ECM1: variants seen among roughly 807,000 people sequenced by gnomAD.
ECM1 encodes the protein secretory component p85.
A neutral mutation model predicts 57.9 loss-of-function variants in ECM1; 54 were observed. That is an observed-to-expected ratio of 0.93 (90% CI 0.75 to 1.17). The LOEUF is 1.17. ECM1 is among the 50% of genes most tolerant of loss of function. The pLI is 0.00. For synonymous variants in ECM1, 237 were observed against 259.1 expected (o/e 0.91, Z 0.82); for missense variants, 649 against 688.1 (o/e 0.94, Z 0.64).
At chr1:150,510,249 G>A in intron 5 of ECM1, 67 bp downstream of exon 5, 1 of 1,472,632 alleles carries the variant, frequency 6.8e-7, no homozygotes, top group Non-Finnish European at 9.5e-7. Flanking sequence ...ATGGGCTTCG[G>A]GGCAGACAAG....
chr1:150,512,247 G>A lies in ECM1; in HGVS notation c.1084-105G>A, dbSNP rs1670463017. The A allele has an allele frequency of 3.8e-6, 5 of 1,316,722 alleles. No individual in the cohort carries two copies. The African/African-American group carries it at 4.5e-5, about 12-fold the overall frequency. The allele number at this position is 1,316,722 out of a possible 1,614,324, so 81.6% of individuals were successfully genotyped here. ...TTGCCATTCCCTTTGGGCCTCTCGG[G>A]CTGGGAGCCCCTCATCTAGTTGCCA... On this transcript the variant is annotated intron_variant, in intron 7 of 9. Coordinates refer to ENST00000369047, the MANE Select transcript of ECM1 (RefSeq NM_004425.4).
rs1670470241 is a variant in ECM1 at position 150,512,469 on chromosome 1, C to T, written c.1201C>T (p.Pro401Ser). Reference protein sequence around the residue: ...TRDECFARRAPYPNYDRDILT... With the variant: ...TRDECFARRASYPNYDRDILT... The stretch of plus-strand genomic sequence containing the variant: ...GGATGAGTGCTTTGCCCGTCGGGCT[C>T]CTTACCCCAACTATGACCGGGACAT... Residue 401 changes from proline (P) to serine (S), a missense_variant, in exon 8 of 10, where the codon CCT (proline) becomes TCT (serine). Coordinates refer to ENST00000369047, the MANE Select transcript of ECM1 (RefSeq NM_004425.4). 6.2e-7 allele frequency: 1 copy of T among 1,613,764 alleles called. No homozygotes were observed. Among genetic ancestry groups the T allele is most frequent in the African/African-American group, 1.3e-5 (1 of 74,888 alleles).
In ECM1 at chr1:150,508,163, G is replaced by A. The variant is rs749845474; in HGVS notation, c.-47G>A. 1 of 1,596,828 alleles carries A rather than the reference G, an allele frequency of 6.3e-7. No homozygotes were observed. Among genetic ancestry groups the A allele is most frequent in the Non-Finnish European group, 8.6e-7 (1 of 1,164,776 alleles). On this transcript the variant is annotated 5_prime_UTR_variant, in exon 1 of 10. Transcript: ENST00000369047. ...TGGCCGGCCCTTCACATCCAGACTT[G>A]CCTGAGAGGACCCACCTCTGAGTGT...
Position 150,511,788 on chromosome 1 carries a change from G to C in ECM1, c.1040G>C (p.Arg347Pro). The C allele has an allele frequency of 6.2e-7, 1 of 1,613,046 alleles. No homozygotes were observed. Among genetic ancestry groups the C allele is most frequent in the East Asian group, 2.2e-5 (1 of 44,842 alleles). ...ATCCAGCTGGAGAGGGAGTTCCAGC[G>C]CTGCTGCCGCCAGGGGAACAATCAC... The part of the protein sequence containing the change: ...ALIQLEREFQ[R>P]CCRQGNNHTC... Residue 347 changes from arginine (R) to proline (P), a missense_variant, in exon 7 of 10, where the codon CGC (arginine) becomes CCC (proline). Arg to Pro is a moderately radical substitution (Grantham distance 103). Transcript: ENST00000369047.
chr1:150,511,248 A>G, intron 6 of ECM1, 50 bp downstream of exon 6: 1 of 1,609,236 alleles, frequency 6.2e-7, no homozygotes, highest in African/African-American at 1.3e-5. Flanking sequence ...CCCAGACAGT[A>G]TGTGTGTTTT....
intron 5 of ECM1, 42 bp downstream of exon 5, chr1:150,510,224 G>A: frequency 6.3e-7 from 1 of 1,585,484 alleles, no homozygotes; most frequent in Non-Finnish European, 8.7e-7. Flanking sequence ...TTACCTCATG[G>A]CCTTCCCCCA....
rs587650865 is a variant in ECM1, at chr1:150,511,968, C to T, written c.1083+137C>T. The T allele has an allele frequency of 1.1e-4, 130 of 1,229,748 alleles. No individual in the cohort carries two copies. The African/African-American group carries it at 1.8e-3, about 17-fold the overall frequency. 76.2% of individuals were successfully genotyped at this position (1,229,748 alleles called of 1,614,324 possible). On this transcript the variant is annotated intron_variant, in intron 7 of 9. Transcript: ENST00000369047. Reference sequence around the variant, plus strand: ...ACCCGTTCATCTGCTTGTGGCTGTCCGTCCATCCATTGTGTTTGTCACCTG... The same window carrying T: ...ACCCGTTCATCTGCTTGTGGCTGTCTGTCCATCCATTGTGTTTGTCACCTG...
In ECM1 at chr1:150,511,893, G is replaced by A. The variant is rs587754922; in HGVS notation, c.1083+62G>A. 1,265 of 1,544,384 alleles carry A rather than the reference G, an allele frequency of 8.2e-4. 3 individuals are homozygous for A. The highest frequency in any genetic ancestry group is 1.6e-3 in the Middle Eastern group (7 of 4,454). ...GCCTGCCTGCCCATCTTCGACCTCT[G>A]ATCCTGCCAGTCCATCCATCCATGT... On this transcript the variant is annotated intron_variant, in intron 7 of 9. Coordinates refer to ENST00000369047, the MANE Select transcript of ECM1 (RefSeq NM_004425.4).
Position 150,513,293 on chromosome 1 carries a change from T to C in ECM1, c.1449T>C (p.Pro483=). ...CCCGACGTAACATCTGGCGAGACCCTGCCCTCTGCTGTTACCTGAGTCCTG... is the reference window on the plus strand; with the variant it reads ...CCCGACGTAACATCTGGCGAGACCCCGCCCTCTGCTGTTACCTGAGTCCTG... ...CGPRRNIWRD[P]ALCCYLSPGD... The change falls in exon 10 of 10, where the codon CCT becomes CCC. Residue 483 remains proline, a synonymous_variant. Transcript: ENST00000369047. The C allele has an allele frequency of 1.2e-6, 2 of 1,614,258 alleles. No homozygotes were observed. Among genetic ancestry groups the C allele is most frequent in the Non-Finnish European group, 1.7e-6 (2 of 1,180,032 alleles).
Position 150,508,394 on chromosome 1 carries a change from T to C in ECM1, c.70+115T>C, listed in dbSNP as rs587705804. 2.2e-4 allele frequency: 244 copies of C among 1,113,044 alleles called. 1 individual carries two copies. The highest frequency in any genetic ancestry group is 1.7e-3 in the Admixed American group (99 of 57,900). The allele number at this position is 1,113,044 out of a possible 1,614,324, so 68.9% of individuals were successfully genotyped here. On this transcript the variant is annotated intron_variant, in intron 1 of 9. Transcript: ENST00000369047. ...GAGTGATTCTCCGTTTGGCTTTCCT[T>C]TTCTGAGCAGGCCCAAAGTGGGCCT... is the stretch of plus-strand genomic sequence containing the variant.
At chr1:150,510,045 A>T in intron 4 of ECM1, 43 bp downstream of exon 4, 1 of 1,613,934 alleles carries the variant, frequency 6.2e-7, no homozygotes, top group Non-Finnish European at 8.5e-7. Flanking sequence ...CCCACTATGG[A>T]TCCTGTTGAC....
At chr1:150,509,843 G>A (rs1670386589) in intron 3 of ECM1, 79 bp from the exon 4 acceptor site, 1 of 1,613,832 alleles carries the variant, frequency 6.2e-7, no homozygotes, top group Non-Finnish European at 8.5e-7. Context: ...AGGTGGAAAG[G>A]AGGGAAGAGG....
At position 150,513,103 on chromosome 1, in the gene ECM1, C is replaced by G. The variant is rs1016073521; in HGVS notation, c.1393-134C>G. On this transcript the variant is annotated intron_variant, in intron 9 of 9. Coordinates refer to ENST00000369047, the MANE Select transcript of ECM1 (RefSeq NM_004425.4). ...TGTGCAAGGCAGTCTTGTACTCTCTCTGGGCCCCAGGAGGGGAACGAGGGA... is the reference window on the plus strand; with the variant it reads ...TGTGCAAGGCAGTCTTGTACTCTCTGTGGGCCCCAGGAGGGGAACGAGGGA... The G allele has an allele frequency of 1.4e-5, 14 of 966,828 alleles. No homozygotes were observed. In the East Asian group the frequency reaches 2.8e-4, roughly 19 times the overall value. 59.9% of individuals were successfully genotyped at this position (966,828 alleles called of 1,614,324 possible). A position where few individuals can be genotyped will look rare whatever the true frequency, so the allele number is the denominator to read the frequency against.
Position 150,511,555 on chromosome 1 carries a change from C to T in ECM1, c.807C>T (p.Cys269=), listed in dbSNP as rs374599359. The T allele has an allele frequency of 8.1e-6, 13 of 1,614,074 alleles. No individual in the cohort carries two copies. The African/African-American group carries it at 1.7e-4, about 22-fold the overall frequency. ...CTRQGEARFS[C]FQEEAPQPHY... is the part of the protein sequence containing the mutation. ...GGCAGGGGGAGGCTCGGTTCTCCTG[C>T]TTCCAGGAGGAAGCTCCCCAGCCAC... The change falls in exon 7 of 10, where the codon TGC becomes TGT. Residue 269 remains cysteine (C), a synonymous_variant. Coordinates refer to ENST00000369047, the MANE Select transcript of ECM1 (RefSeq NM_004425.4).
Position 150,513,504 on chromosome 1 carries a change from C to T in ECM1, c.*37C>T. ...GCCCTAGAGGGTCAGATGGGGGGAA[C>T]CCCACCCTGCCCCACCCATCTGAAC... On this transcript the variant is annotated 3_prime_UTR_variant, in exon 10 of 10. Transcript: ENST00000369047. 1.2e-5 allele frequency: 18 copies of T among 1,526,532 alleles called. No individual in the cohort carries two copies. The highest frequency in any genetic ancestry group is 1.6e-5 in the Non-Finnish European group (18 of 1,122,632). The allele number at this position is 1,526,532 out of a possible 1,614,324, so 94.6% of individuals were successfully genotyped here.
rs587666204 is a variant in ECM1 at position 150,513,232 on chromosome 1, A to C, written c.1393-5A>C. On this transcript the variant is annotated splice_polypyrimidine_tract_variant and splice_region_variant and intron_variant, in intron 9 of 9. Transcript: ENST00000369047. ...ATCATCTGTTTTACTTTTCTCATTC[A>C]TCAGAAATTAACCTTCATCAATGAT... The C allele has an allele frequency of 6.2e-7, 1 of 1,614,088 alleles. No homozygotes were observed. Among genetic ancestry groups the C allele is most frequent in the South Asian group, 1.1e-5 (1 of 91,062 alleles).
chr1:150,511,639 GC>G lies in ECM1; in HGVS notation c.893del (p.Pro298LeufsTer18), dbSNP rs78332481. The G allele has an allele frequency of 1.2e-6, 2 of 1,614,130 alleles. No homozygotes were observed. The highest frequency in any genetic ancestry group is 4.5e-5 in the East Asian group (2 of 44,870). On this transcript the variant is annotated frameshift_variant, in exon 7 of 10. Transcript: ENST00000369047. LOFTEE classifies it high-confidence loss of function. ...QPDISSGLELPFPPGVPTLDN... is the reference protein window; with the variant it reads ...QPDISSGLELXFPPGVPTLDN... The stretch of plus-strand genomic sequence containing the variant: ...CTGATATTTCCTCGGGTCTTGAGCT[GC>G]CTTTCCCTCCTGGGGTGCCCACATT...
chr1:150,510,153 C>T lies in ECM1; in HGVS notation c.356C>T (p.Ser119Phe), dbSNP rs762333160. 5.6e-6 allele frequency: 9 copies of T among 1,613,996 alleles called. No homozygotes were observed. The highest frequency in any genetic ancestry group is 2.2e-5 in the South Asian group (2 of 91,088). ...EAVPLQKELPSLQHPNEQKEG... is the reference protein window; with the variant it reads ...EAVPLQKELPFLQHPNEQKEG... ...GTCCCCCTCCAAAAAGAGCTGCCCTCTCTCCAGCACCCCAATGAACAGAAG... is the reference window on the plus strand; with the variant it reads ...GTCCCCCTCCAAAAAGAGCTGCCCTTTCTCCAGCACCCCAATGAACAGAAG... The change falls in exon 5 of 10, where the codon TCT (serine) becomes TTT (phenylalanine). Residue 119 changes from serine (S) to phenylalanine (F), a missense_variant. Coordinates refer to ENST00000369047, the MANE Select transcript of ECM1 (RefSeq NM_004425.4).
At chr1:150,509,303 G>A (rs1417030022) in intron 1 of ECM1, 5 of 615,188 alleles carry the variant, frequency 8.1e-6, no homozygotes, top group African/African-American at 3.7e-5. Flanking sequence ...TGAGCCAGTA[G>A]AGGTGGAGCT....
Sources: gnomAD v4.1 joint callset for allele counts on GRCh38, gnomAD v4.1.1 for gene constraint, MANE v1.5 for transcripts, NCBI Gene and HGNC (gene_info 2026-07-23, HGNC 2026-07-21) for gene names.